Variants in KLF12 observed in about 807,000 individuals in gnomAD.
The protein encoded by KLF12 is KLF transcription factor 12.
KLF12 carries 9 observed loss-of-function variants against 37.8 expected under a neutral mutation model. The observed-to-expected ratio is 0.24, with a 90% CI of 0.14 to 0.42. KLF12 has a LOEUF of 0.42. KLF12 is among the 10% of genes least tolerant of loss of function. The probability of loss-of-function intolerance (pLI) is 1.00; values close to 1 mark genes in which losing one functional copy is unlikely to be tolerated. For missense variants in KLF12, 411 were observed against 516.0 expected (o/e 0.80, Z 1.97); for synonymous variants, 208 against 202.1 (o/e 1.03, Z -0.25).
At chr13:74,192,136 C>T in the KLF12 span, among the ~76,000 whole-genome samples, 1 of 151,862 alleles carries the variant, frequency 6.6e-6, no homozygotes, top group Admixed American at 6.6e-5. Flanking sequence ...GCAGAAGAAC[C>T]AATCAAGAGG....
chr13:73,938,863 A>ACGTGATT (rs1446291119), intron 3 of KLF12, among the ~76,000 whole-genome samples: 1 of 152,134 alleles, frequency 6.6e-6, no homozygotes, highest in Non-Finnish European at 1.5e-5. Context: ...TGGAGTATTG[A>ACGTGATT]CGTGATTCTA....
rs539764789 is a variant in KLF12 at position 73,688,008 on chromosome 13, T to C, written c.*7482A>G. On this transcript the variant is annotated 3_prime_UTR_variant, in exon 8 of 8. Transcript: ENST00000377669. Reference sequence around the variant, plus strand: ...CCCAGTCTGCAGCAGGTTGTGCACATGGAACACTTGCTTTGAGCATGGAAG... The same window carrying C: ...CCCAGTCTGCAGCAGGTTGTGCACACGGAACACTTGCTTTGAGCATGGAAG... 2 of 152,342 alleles carry C rather than the reference T, an allele frequency of 1.3e-5. No individual in the cohort carries two copies. The highest frequency in any genetic ancestry group is 2.1e-4 in the South Asian group (1 of 4,830). 9.4% of individuals were successfully genotyped at this position (152,342 alleles called of 1,614,324 possible).
At chr13:73,779,195 C>T (rs936586818) in intron 5 of KLF12, among the ~76,000 whole-genome samples, 8 of 152,110 alleles carry the variant, frequency 5.3e-5, no homozygotes, top group Non-Finnish European at 1.0e-4. Flanking sequence ...AATAAACCTC[C>T]TTTGACCATG....
At chr13:74,026,871 C>A (rs2138457240) in intron 1 of KLF12, among the ~76,000 whole-genome samples, 1 of 152,248 alleles carries the variant, frequency 6.6e-6, no homozygotes, top group South Asian at 2.1e-4. Context: ...ATCAGCTAGT[C>A]CCACGGTGAA....
intron 1 of KLF12, among the ~76,000 whole-genome samples, chr13:73,998,953 T>C (rs1892197551): frequency 6.6e-6 from 1 of 152,176 alleles, no homozygotes; most frequent in Admixed American, 6.5e-5. Context: ...ACCTACTGTA[T>C]CTCTTCTGAA....
intron 1 of KLF12, among the ~76,000 whole-genome samples, chr13:74,101,766 A>C (rs1022485227): frequency 3.9e-5 from 6 of 152,328 alleles, no homozygotes; most frequent in Admixed American, 1.3e-4. Flanking sequence ...TAAACTAGGA[A>C]TCTGTGACAT....
At chr13:73,853,055 G>A (rs761694803) in intron 3 of KLF12, among the ~76,000 whole-genome samples, 2 of 151,812 alleles carry the variant, frequency 1.3e-5, no homozygotes, top group Non-Finnish European at 2.9e-5. Context: ...TATTAGTAGA[G>A]ATAGGGTTTC....
chr13:74,171,722 A>G, the KLF12 span, among the ~76,000 whole-genome samples: 1 of 152,238 alleles, frequency 6.6e-6, no homozygotes, highest in Non-Finnish European at 1.5e-5. Context: ...TAACTTCAGA[A>G]ACATTTGTAG....
rs538518837 is a variant in KLF12 at position 73,804,243 on chromosome 13, T to C, written c.806+8909A>G. Among the ~76,000 whole-genome samples, 5 of 152,342 alleles carry C rather than the reference T, an allele frequency of 3.3e-5. No homozygotes were observed. The South Asian group carries it at 6.2e-4, about 19-fold the overall frequency. On this transcript the variant is annotated intron_variant, in intron 5 of 7. Coordinates refer to ENST00000377669, the MANE Select transcript of KLF12 (RefSeq NM_007249.5). ...TTAATGTTTTTATCCCATTAGACTT[T>C]AGTTCATCCCATAAAGTTTGACTCT...
At chr13:73,735,194 G>A (rs562218601) in intron 6 of KLF12, among the ~76,000 whole-genome samples, 107 of 151,848 alleles carry the variant, frequency 7.0e-4, no homozygotes, top group Non-Finnish European at 1.3e-3. Flanking sequence ...TAACTTGGGA[G>A]GCTGAAGCAG....
At chr13:73,983,839 C>T (rs1010235339) in intron 2 of KLF12, among the ~76,000 whole-genome samples, 7 of 152,122 alleles carry the variant, frequency 4.6e-5, no homozygotes, top group African/African-American at 1.4e-4. Context: ...AGTCAAGTAC[C>T]ATATGAAAAA....
intron 5 of KLF12, among the ~76,000 whole-genome samples, chr13:73,779,362 C>G (rs1017424388): frequency 1.3e-5 from 2 of 152,082 alleles, no homozygotes; most frequent in African/African-American, 4.8e-5. Flanking sequence ...TCACCAGTGG[C>G]CAATGATTTG....
At chr13:73,738,112 T>TACACACACACATATATGTATGTGTAC (rs1274922529) in intron 6 of KLF12, among the ~76,000 whole-genome samples, 1 of 74,758 alleles carries the variant, frequency 1.3e-5, no homozygotes, top group Non-Finnish European at 2.7e-5. Context: ...TATATATATA[T>TACACACACACATATATGTATGTGTAC]ATATATATAT....
chr13:73,970,545 C>G (rs923559956), intron 2 of KLF12, among the ~76,000 whole-genome samples: 2 of 152,142 alleles, frequency 1.3e-5, no homozygotes, highest in Non-Finnish European at 2.9e-5. Flanking sequence ...GCTGAAGAAG[C>G]TTGTTAGTAT....
At chr13:74,203,889 T>A in the KLF12 span, among the ~76,000 whole-genome samples, 911 of 152,224 alleles carry the variant, frequency 6.0e-3, 4 homozygotes, top group Non-Finnish European at 0.01. Context: ...AGACTCTGTT[T>A]TGAACAGTAT....
the KLF12 span, among the ~76,000 whole-genome samples, chr13:74,269,956 C>T: frequency 3.3e-5 from 5 of 152,178 alleles, no homozygotes; most frequent in Non-Finnish European, 7.3e-5. Flanking sequence ...TTGTGGTAAT[C>T]TCAGTGGAGA....
chr13:74,170,990 C>G, the KLF12 span, among the ~76,000 whole-genome samples: 1 of 152,160 alleles, frequency 6.6e-6, no homozygotes, highest in African/African-American at 2.4e-5. Context: ...GTCTCGAACT[C>G]CTGACCTCAG....
At chr13:73,854,665 G>A (rs1885513491) in intron 3 of KLF12, among the ~76,000 whole-genome samples, 1 of 152,174 alleles carries the variant, frequency 6.6e-6, no homozygotes, top group South Asian at 2.1e-4. Context: ...CAAAACTACA[G>A]ATGCTCAAAT....
intron 4 of KLF12, among the ~76,000 whole-genome samples, chr13:73,843,334 T>TCAC (rs1452416906): frequency 6.6e-6 from 1 of 151,718 alleles, no homozygotes; most frequent in African/African-American, 2.4e-5. Flanking sequence ...GATAAGAGTC[T>TCAC]CACCCTGTTG....
Sources: allele counts gnomAD v4.1 joint callset (sites outside exome capture counted in the v4.1 genomes callset), GRCh38; gene constraint gnomAD v4.1.1; transcripts MANE v1.5; gene names NCBI Gene and HGNC (gene_info 2026-07-23, HGNC 2026-07-21).